The following KCNH8 variants were observed in gnomAD, a reference collection of about 807,000 sequenced individuals.
The protein encoded by KCNH8 is potassium voltage-gated channel subfamily H member 8.
In KCNH8, 70 loss-of-function variants were observed where a neutral mutation model predicts 103.6. That is an observed-to-expected ratio of 0.68 (90% CI 0.56 to 0.82). The LOEUF (loss-of-function observed/expected upper bound fraction) is 0.82, where lower values mean the gene tolerates loss of function less well. KCNH8 is among the 40% of genes least tolerant of loss of function. The probability of loss-of-function intolerance (pLI) is 0.00; values close to 1 mark genes in which losing one functional copy is unlikely to be tolerated. For missense variants in KCNH8, 1,217 were observed against 1,329.9 expected, an observed-to-expected ratio of 0.92 and a Z score of 1.32; for synonymous variants, 498 against 489.4, an observed-to-expected ratio of 1.02 and a Z score of -0.23.
chr3:19,340,180 T>C (rs917867075), intron 3 of KCNH8, among the ~76,000 whole-genome samples: 1 of 152,080 alleles, frequency 6.6e-6, no homozygotes, highest in Non-Finnish European at 1.5e-5. Context: ...GCAACAGTCA[T>C]ATGGCTTCCA....
At chr3:19,529,141 A>T (rs1271664126) in intron 15 of KCNH8, among the ~76,000 whole-genome samples, 1 of 152,134 alleles carries the variant, frequency 6.6e-6, no homozygotes, top group Non-Finnish European at 1.5e-5. Context: ...GCCATTAAAA[A>T]ATAAAGTAGG....
chr3:19,182,310 C>T (rs111899422), intron 1 of KCNH8, among the ~76,000 whole-genome samples: 11 of 152,180 alleles, frequency 7.2e-5, no homozygotes, highest in East Asian at 1.9e-4. Context: ...GGGCAGATCA[C>T]GAGGTCAGGA....
intron 1 of KCNH8, among the ~76,000 whole-genome samples, chr3:19,198,494 T>G (rs1306911680): frequency 1.3e-5 from 2 of 152,076 alleles, no homozygotes; most frequent in East Asian, 1.9e-4. Context: ...AAAAAAAGAT[T>G]TGGACCCTTT....
chr3:19,503,495 A>G (rs1165542473), intron 11 of KCNH8, among the ~76,000 whole-genome samples: 1 of 152,196 alleles, frequency 6.6e-6, no homozygotes, highest in African/African-American at 2.4e-5. Context: ...TTATTGCAGC[A>G]TTATCCACAA....
At chr3:19,193,298 C>A (rs1377454772) in intron 1 of KCNH8, among the ~76,000 whole-genome samples, 4 of 151,588 alleles carry the variant, frequency 2.6e-5, no homozygotes, top group Non-Finnish European at 5.9e-5. Context: ...TGTAAATTAG[C>A]AAAGTTTCTG....
At chr3:19,201,822 T>C (rs1429064088) in intron 1 of KCNH8, among the ~76,000 whole-genome samples, 2 of 152,192 alleles carry the variant, frequency 1.3e-5, no homozygotes, top group Non-Finnish European at 2.9e-5. Flanking sequence ...CATTCTAATA[T>C]ATCTTTAAAT....
intron 11 of KCNH8, among the ~76,000 whole-genome samples, chr3:19,509,002 A>G (rs1469234041): frequency 1.2e-4 from 18 of 152,180 alleles, no homozygotes; most frequent in Admixed American, 1.2e-3. Flanking sequence ...CCAAGCTATA[A>G]ATGAAAGGCT....
At position 19,154,080 on chromosome 3, in the gene KCNH8, G is replaced by T. The variant is rs562852400; in HGVS notation, c.76+5285G>T. Among the ~76,000 whole-genome samples, 35 of 152,318 alleles carry T rather than the reference G, an allele frequency of 2.3e-4. No individual in the cohort carries two copies. The South Asian group carries it at 5.8e-3, about 25-fold the overall frequency. On this transcript the variant is annotated intron_variant, in intron 1 of 15. Coordinates refer to ENST00000328405, the MANE Select transcript of KCNH8 (RefSeq NM_144633.3). ...TATAATATAGATTAGAAAAAGATAAGTGTAATTCAGAAGGTGCAGACAAAG... is the reference window on the plus strand; with the variant it reads ...TATAATATAGATTAGAAAAAGATAATTGTAATTCAGAAGGTGCAGACAAAG...
intron 7 of KCNH8, among the ~76,000 whole-genome samples, chr3:19,428,659 A>G (rs951640100): frequency 6.6e-6 from 1 of 152,226 alleles, no homozygotes; most frequent in Non-Finnish European, 1.5e-5. Context: ...GTGAGTTACT[A>G]TTGTGTTCTC....
chr3:19,353,639 A>C (rs752050792), intron 5 of KCNH8, among the ~76,000 whole-genome samples: 4 of 152,184 alleles, frequency 2.6e-5, no homozygotes, highest in Non-Finnish European at 5.9e-5. Context: ...AAACCACATG[A>C]TTATCTCAAT....
intron 1 of KCNH8, among the ~76,000 whole-genome samples, chr3:19,164,239 G>A (rs1220440307): frequency 6.6e-6 from 1 of 152,118 alleles, no homozygotes; most frequent in African/African-American, 2.4e-5. Context: ...GAACCCTAAA[G>A]AGGCTAAGTA....
intron 1 of KCNH8, among the ~76,000 whole-genome samples, chr3:19,237,634 A>G (rs1337684092): frequency 6.6e-6 from 1 of 152,202 alleles, no homozygotes; most frequent in Non-Finnish European, 1.5e-5. Flanking sequence ...GTAAATGTAG[A>G]CAATGAAGAC....
chr3:19,171,024 C>G (rs1303514857), intron 1 of KCNH8, among the ~76,000 whole-genome samples: 3 of 151,556 alleles, frequency 2.0e-5, no homozygotes, highest in Non-Finnish European at 4.4e-5. Flanking sequence ...TGGTCTGGAT[C>G]TCCTGACCAC....
At chr3:19,498,702 T>A (rs2068503667) in intron 11 of KCNH8, among the ~76,000 whole-genome samples, 1 of 152,208 alleles carries the variant, frequency 6.6e-6, no homozygotes, top group Non-Finnish European at 1.5e-5. Context: ...TTTCCCCATC[T>A]TTGTGGTTTT....
chr3:19,305,470 C>T (rs1022096217), intron 3 of KCNH8, among the ~76,000 whole-genome samples: 21 of 152,082 alleles, frequency 1.4e-4, no homozygotes, highest in African/African-American at 4.1e-4. Flanking sequence ...GACCAAGGGT[C>T]AGCTCAGGGT....
At chr3:19,197,709 T>C (rs561730460) in intron 1 of KCNH8, among the ~76,000 whole-genome samples, 1 of 152,084 alleles carries the variant, frequency 6.6e-6, no homozygotes, top group South Asian at 2.1e-4. Context: ...TCCTATGTAA[T>C]TGGATTGTTG....
chr3:19,416,539 TA>T (rs1158398551), intron 7 of KCNH8, among the ~76,000 whole-genome samples: 3 of 152,208 alleles, frequency 2.0e-5, no homozygotes, highest in African/African-American at 7.2e-5. Context: ...TCTGTTCTGC[TA>T]ACCTTGTGAA....
chr3:19,229,015 C>A (rs1432113861), intron 1 of KCNH8, among the ~76,000 whole-genome samples: 1 of 152,210 alleles, frequency 6.6e-6, no homozygotes, highest in Non-Finnish European at 1.5e-5. Context: ...TTTATAATTT[C>A]AAGTTGTACA....
chr3:19,485,781 G>T (rs760868447), intron 11 of KCNH8, among the ~76,000 whole-genome samples: 1 of 152,200 alleles, frequency 6.6e-6, no homozygotes, highest in Non-Finnish European at 1.5e-5. Flanking sequence ...CCACTGAGGT[G>T]GAGGCTCGCT....
Sources: allele counts gnomAD v4.1 joint callset (sites outside exome capture counted in the v4.1 genomes callset), GRCh38; gene constraint gnomAD v4.1.1; transcripts MANE v1.5; gene names NCBI Gene and HGNC (gene_info 2026-07-23, HGNC 2026-07-21).